Variants in DEPDC4 observed in about 807,000 individuals in gnomAD.
DEPDC4 encodes the protein DEP domain containing 4.
DEPDC4 carries 52 observed loss-of-function variants against 52.0 expected under a neutral mutation model. That is an observed-to-expected ratio of 1.00 (90% CI 0.80 to 1.26). The LOEUF (loss-of-function observed/expected upper bound fraction) is 1.26, where lower values mean the gene tolerates loss of function less well. DEPDC4 is among the 50% of genes most tolerant of loss of function. The probability of loss-of-function intolerance (pLI) is 0.00; values close to 1 mark genes in which losing one functional copy is unlikely to be tolerated. For missense variants in DEPDC4, 530 were observed against 546.9 expected (o/e 0.97, Z 0.31); for synonymous variants, 201 against 196.8 (o/e 1.02, Z -0.18).
At chr12:100,232,129 C>T (rs1198915721) in intron 9 of DEPDC4, among the ~76,000 whole-genome samples, 3 of 152,306 alleles carry the variant, frequency 2.0e-5, no homozygotes, top group African/African-American at 7.2e-5. Context: ...CAGTTGCTCA[C>T]GCCTGTAATC....
rs571229366 is a variant in DEPDC4, at chr12:100,251,864, C to T, written c.1374+312G>A. 1.2e-4 allele frequency among the ~76,000 whole-genome samples: 18 copies of T among 151,974 alleles called. No individual in the cohort carries two copies. In the South Asian group the frequency reaches 2.1e-3, roughly 18 times the overall value. On this transcript the variant is annotated intron_variant, in intron 7 of 9. Coordinates refer to ENST00000550587, the MANE Select transcript of DEPDC4 (RefSeq NM_001364818.2). ...GATTACAGGCATGAGCCACTGTGCC[C>T]GGCCTGTTATCTTTCTGTATAGATG...
downstream of DEPDC4, chr12:100,237,748 TG>T (rs1218219535): frequency 6.6e-6 from 1 of 152,192 alleles, no homozygotes; most frequent in East Asian, 1.9e-4. Context: ...TTTATTTCTT[TG>T]TTTCAACCTT....
In DEPDC4 at chr12:100,256,276, A is replaced by C. The variant is rs369788034; in HGVS notation, c.701-50T>G. 1.1e-4 allele frequency: 147 copies of C among 1,324,402 alleles called. No individual in the cohort carries two copies. The African/African-American group carries it at 1.9e-3, about 17-fold the overall frequency. 82.0% of individuals were successfully genotyped at this position (1,324,402 alleles called of 1,614,324 possible). ...ATCAAGATTGGTAAATAAAACATAC[A>C]CATTCAACCAATATTATAAATCGTT... On this transcript the variant is annotated intron_variant, in intron 3 of 9. Coordinates refer to ENST00000550587, the MANE Select transcript of DEPDC4 (RefSeq NM_001364818.2).
downstream of DEPDC4, among the ~76,000 whole-genome samples, chr12:100,235,643 C>T (rs962823861): frequency 5.9e-5 from 9 of 151,898 alleles, no homozygotes; most frequent in African/African-American, 1.5e-4. Context: ...GGCATGATCC[C>T]GGCTCACTAC....
intron 6 of DEPDC4, 29 bp downstream of exon 6, chr12:100,252,365 A>T: frequency 6.7e-7 from 1 of 1,500,094 alleles, no homozygotes; most frequent in East Asian, 2.4e-5. Context: ...GCAAAAAAAA[A>T]TGGCAAAACT....
chr12:100,256,786 C>T (rs892342933), intron 3 of DEPDC4, among the ~76,000 whole-genome samples: 7 of 151,880 alleles, frequency 4.6e-5, no homozygotes, highest in Admixed American at 2.6e-4. Flanking sequence ...GGACTACAGG[C>T]GCCCACCACC....
intron 7 of DEPDC4, among the ~76,000 whole-genome samples, chr12:100,249,652 C>G (rs899258428): frequency 6.6e-6 from 1 of 152,218 alleles, no homozygotes; most frequent in Non-Finnish European, 1.5e-5. Context: ...AAGCTCACAT[C>G]TAGATAGCTC....
At chr12:100,270,063 T>G (rs2096285907), upstream of DEPDC4, among the ~76,000 whole-genome samples, 1 of 151,766 alleles carries the variant, frequency 6.6e-6, no homozygotes, top group African/African-American at 2.4e-5. Flanking sequence ...CTCGGCTCAC[T>G]GCAAGCTCCG....
the DEPDC4 span, among the ~76,000 whole-genome samples, chr12:100,281,640 T>C: frequency 6.6e-6 from 1 of 152,150 alleles, no homozygotes; most frequent in Non-Finnish European, 1.5e-5. Context: ...GAGACCATCC[T>C]GGCTAACACG....
intron 8 of DEPDC4, among the ~76,000 whole-genome samples, chr12:100,246,773 C>T (rs1294865975): frequency 6.6e-6 from 1 of 151,936 alleles, no homozygotes; most frequent in East Asian, 1.9e-4. Flanking sequence ...CCTGTCTCTA[C>T]CTAAAAATAT....
At chr12:100,253,062 G>A (rs902966432) in intron 5 of DEPDC4, among the ~76,000 whole-genome samples, 27 of 151,874 alleles carry the variant, frequency 1.8e-4, no homozygotes, top group African/African-American at 6.5e-4. Context: ...GACTACAGGC[G>A]CCCGCCACTA....
At chr12:100,251,291 A>G (rs774092582) in intron 7 of DEPDC4, among the ~76,000 whole-genome samples, 2 of 152,148 alleles carry the variant, frequency 1.3e-5, no homozygotes, top group African/African-American at 2.4e-5. Context: ...GAGGCTTTGG[A>G]GAAATAACAC....
intron 8 of DEPDC4, among the ~76,000 whole-genome samples, chr12:100,246,385 T>C (rs1299187222): frequency 6.6e-6 from 1 of 152,200 alleles, no homozygotes; most frequent in Admixed American, 6.5e-5. Context: ...TATGGCTGTC[T>C]CTCATTCATC....
intron 9 of DEPDC4, among the ~76,000 whole-genome samples, chr12:100,234,412 G>A (rs776973826): frequency 3.9e-5 from 6 of 152,174 alleles, no homozygotes; most frequent in Non-Finnish European, 8.8e-5. Context: ...CAGGATTCTC[G>A]CTGAAGACTG....
intron 9 of DEPDC4, among the ~76,000 whole-genome samples, chr12:100,232,374 C>T (rs148114907): frequency 0.015 from 2,266 of 149,148 alleles, 53 homozygotes; most frequent in Admixed American, 0.061. Flanking sequence ...CCAGCCTGGG[C>T]GACAGAGCAA....
At chr12:100,279,433 G>A in the DEPDC4 span, among the ~76,000 whole-genome samples, 1 of 152,214 alleles carries the variant, frequency 6.6e-6, no homozygotes, top group African/African-American at 2.4e-5. Flanking sequence ...CCTAGGGGTT[G>A]GGGTCTACTG....
chr12:100,261,344 T>C (rs2096253011), intron 3 of DEPDC4, among the ~76,000 whole-genome samples: 1 of 152,234 alleles, frequency 6.6e-6, no homozygotes, highest in African/African-American at 2.4e-5. Flanking sequence ...CTGTCATGGT[T>C]TGACCAAATG....
At chr12:100,267,172 C>T (rs776438649), upstream of DEPDC4, 67 of 1,344,802 alleles carry the variant, frequency 5.0e-5, no homozygotes, top group Non-Finnish European at 6.4e-5. Context: ...GCCGGCAGGT[C>T]TTTTAGTCTT....
intron 3 of DEPDC4, among the ~76,000 whole-genome samples, chr12:100,259,244 G>C (rs74548437): frequency 5.9e-4 from 90 of 152,190 alleles, no homozygotes; most frequent in African/African-American, 2.1e-3. Context: ...GCAGACACCA[G>C]GATGACAACC....
Sources: gnomAD v4.1 joint callset for allele counts (sites outside exome capture counted in the v4.1 genomes callset) on GRCh38, gnomAD v4.1.1 for gene constraint, MANE v1.5 for transcripts, NCBI Gene and HGNC (gene_info 2026-07-23, HGNC 2026-07-21) for gene names.